LIN9: variants seen among roughly 807,000 people sequenced by gnomAD.
The protein encoded by LIN9 is lin-9 DREAM MuvB core complex component.
LIN9 carries 18 observed loss-of-function variants against 78.0 expected under a neutral mutation model. The observed-to-expected ratio is 0.23, with a 90% confidence interval of 0.16 to 0.34. The LOEUF is 0.34. Ranked by LOEUF, LIN9 falls within the 10% of genes least tolerant of loss-of-function variation. The probability of loss-of-function intolerance (pLI) is 1.00; values close to 1 mark genes in which losing one functional copy is unlikely to be tolerated. For missense variants in LIN9, 451 were observed against 644.1 expected (o/e 0.70, Z 3.25); for synonymous variants, 192 against 215.2 (o/e 0.89, Z 0.94).
chr1:226,276,604 T>C (rs573697001), intron 7 of LIN9, among the ~76,000 whole-genome samples: 27 of 152,330 alleles, frequency 1.8e-4, no homozygotes, highest in African/African-American at 6.3e-4. Context: ...ACCACTTTTA[T>C]AGCCAGGAAA....
chr1:226,231,850 C>T lies in LIN9; in HGVS notation c.*651G>A, dbSNP rs1222018743. On this transcript the variant is annotated 3_prime_UTR_variant, in exon 15 of 15. Coordinates refer to ENST00000681046, the MANE Select transcript of LIN9 (RefSeq NM_001366245.2). ...CCCCTGTTCCTTCATTTTCTTTCAACAAACAACAAAGGTTTCTTTTATATG... is the reference window on the plus strand; with the variant it reads ...CCCCTGTTCCTTCATTTTCTTTCAATAAACAACAAAGGTTTCTTTTATATG... 3.9e-6 allele frequency: 1 copy of T among 259,228 alleles called. No individual in the cohort carries two copies. Among genetic ancestry groups the T allele is most frequent in the African/African-American group, 2.2e-5 (1 of 44,678 alleles). The allele number at this position is 259,228 out of a possible 1,614,324, so 16.1% of individuals were successfully genotyped here. A position where few individuals can be genotyped will look rare whatever the true frequency, so the allele number is the denominator to read the frequency against.
At chr1:226,289,911 T>C (rs1661643097) in intron 4 of LIN9, among the ~76,000 whole-genome samples, 1 of 141,908 alleles carries the variant, frequency 7.0e-6, no homozygotes, top group African/African-American at 2.6e-5. Flanking sequence ...AAATTCCAGA[T>C]GTACTGAAGG....
rs879653121 is a variant in LIN9, at chr1:226,286,601, C to G, written c.399-143G>C. On this transcript the variant is annotated intron_variant, in intron 5 of 14. Transcript: ENST00000681046. ...CAAATTCAAAGTGCTAAAACTAAATCCTTGGCATTTGTGAAACATCTAATG... is the reference window on the plus strand; with the variant it reads ...CAAATTCAAAGTGCTAAAACTAAATGCTTGGCATTTGTGAAACATCTAATG... 5 of 603,110 alleles carry G rather than the reference C, an allele frequency of 8.3e-6. No homozygotes were observed. In the Admixed American group the frequency reaches 1.0e-4, roughly 13 times the overall value. 37.4% of individuals were successfully genotyped at this position (603,110 alleles called of 1,614,324 possible). A position where few individuals can be genotyped will look rare whatever the true frequency, so the allele number is the denominator to read the frequency against.
intron 11 of LIN9, among the ~76,000 whole-genome samples, chr1:226,243,285 T>A (rs961564453): frequency 1.3e-5 from 2 of 152,246 alleles, no homozygotes; most frequent in Non-Finnish European, 2.9e-5. Flanking sequence ...ATTTCACCTA[T>A]CAGATTGCTA....
intron 1 of LIN9, among the ~76,000 whole-genome samples, chr1:226,302,359 C>T (rs1576363394): frequency 1.3e-5 from 2 of 152,028 alleles, no homozygotes; most frequent in Non-Finnish European, 2.9e-5. Context: ...TTGGCTAACA[C>T]GGTGAAAACC....
chr1:226,278,970 A>AC (rs1660856466), intron 6 of LIN9, among the ~76,000 whole-genome samples: 1 of 151,426 alleles, frequency 6.6e-6, no homozygotes, highest in Non-Finnish European at 1.5e-5. Context: ...AAAAAAAAAA[A>AC]AAACCAAAAA....
At chr1:226,248,443 T>G (rs1475431576) in intron 11 of LIN9, among the ~76,000 whole-genome samples, 1 of 152,214 alleles carries the variant, frequency 6.6e-6, no homozygotes. Context: ...TATGTGCAAT[T>G]ATAAAGGATA....
At chr1:226,248,243 T>C (rs1302937233) in intron 11 of LIN9, among the ~76,000 whole-genome samples, 1 of 152,172 alleles carries the variant, frequency 6.6e-6, no homozygotes, top group Non-Finnish European at 1.5e-5. Flanking sequence ...GACCTTGAAT[T>C]AATTGCCTTT....
At chr1:226,309,588 A>G, upstream of LIN9, 3 of 1,224,780 alleles carry the variant, frequency 2.4e-6, no homozygotes, top group East Asian at 1.9e-4. Context: ...TCTGGGTCGC[A>G]TTGCCCGAGG....
In LIN9 at chr1:226,279,366, G is replaced by A. The variant is rs916432873; in HGVS notation, c.525-1434C>T. ...TCCAGCTACTTGGGAGGCTGAGGCC[G>A]GAGGATCATTTGAGCCCAGGAAGTT... On this transcript the variant is annotated intron_variant, in intron 6 of 14. Coordinates refer to ENST00000681046, the MANE Select transcript of LIN9 (RefSeq NM_001366245.2). Among the ~76,000 whole-genome samples, 17 of 151,746 alleles carry A rather than the reference G, an allele frequency of 1.1e-4. 1 individual carries two copies. The highest frequency in any genetic ancestry group is 1.8e-4 in the Non-Finnish European group (12 of 67,956).
At chr1:226,239,161 C>T in intron 11 of LIN9, 65 bp from the exon 12 acceptor site, 1 of 1,533,824 alleles carries the variant, frequency 6.5e-7, no homozygotes. Context: ...TTTCAATGAT[C>T]TAAAAGGAGA....
chr1:226,301,470 CA>C (rs1662530198), intron 1 of LIN9, among the ~76,000 whole-genome samples: 1 of 152,030 alleles, frequency 6.6e-6, no homozygotes, highest in South Asian at 2.1e-4. Context: ...AGTGAAGAAA[CA>C]GAAGAAAGAG....
At position 226,261,138 on chromosome 1, in the gene LIN9, T is replaced by TA. The variant is rs144773143; in HGVS notation, c.1038+4394dup. Among the ~76,000 whole-genome samples the TA allele has an allele frequency of 6.4e-3, 903 of 140,894 alleles. 3 individuals carry two copies. The highest frequency in any genetic ancestry group is 8.3e-3 in the Non-Finnish European group (533 of 64,292). The allele number at this position is 140,894 out of a possible 152,430, so 92.4% of individuals were successfully genotyped here. On this transcript the variant is annotated intron_variant, in intron 10 of 14. Coordinates refer to ENST00000681046, the MANE Select transcript of LIN9 (RefSeq NM_001366245.2). ...GGAATAGACAACGTCCTCAACCTGA[T>TA]AAAAAAAAAAAAAATCTACAAAAAA...
chr1:226,251,229 ATT>A (rs398050141), intron 10 of LIN9, among the ~76,000 whole-genome samples: 9 of 132,394 alleles, frequency 6.8e-5, no homozygotes, highest in Admixed American at 7.6e-5. Context: ...AATTTTTGTA[ATT>A]TTTTTTTTTT....
At chr1:226,271,218 C>T (rs760171442) in intron 7 of LIN9, among the ~76,000 whole-genome samples, 6 of 152,146 alleles carry the variant, frequency 3.9e-5, no homozygotes, top group Non-Finnish European at 5.9e-5. Context: ...ACTTTGAATA[C>T]GCAGTGCATC....
Position 226,265,890 on chromosome 1 carries a change from G to T in LIN9, c.937-256C>A, listed in dbSNP as rs1659876516. Among the ~76,000 whole-genome samples, 1 of 151,638 alleles carries T rather than the reference G, an allele frequency of 6.6e-6. No individual in the cohort carries two copies. Among genetic ancestry groups the T allele is most frequent in the Non-Finnish European group, 1.5e-5 (1 of 67,934 alleles). On this transcript the variant is annotated intron_variant, in intron 9 of 14. Transcript: ENST00000681046. The surrounding 1 kb of genome is among the most constrained non-coding windows in gnomAD (Gnocchi z 4.1). ...GACGGCGTTTCACCATGTTGATCAG[G>T]TTGGTCTCGAACTCCTGACCTCGTG...
intron 5 of LIN9, 59 bp from the exon 6 acceptor site, chr1:226,286,517 CAT>C: frequency 7.8e-7 from 1 of 1,280,616 alleles, no homozygotes; most frequent in Non-Finnish European, 1.1e-6. Context: ...TCTTAAAACA[CAT>C]AAAATCACAA....
chr1:226,250,934 G>T lies in LIN9; in HGVS notation c.1039-15C>A. ...GATAATCTGGTCTACAGACAAAGAA[G>T]AAATATTTTAGAATAAACAGAGGCA... On this transcript the variant is annotated splice_polypyrimidine_tract_variant and intron_variant, in intron 10 of 14. Transcript: ENST00000681046. 7.6e-7 allele frequency: 1 copy of T among 1,317,702 alleles called. No individual in the cohort carries two copies. Among genetic ancestry groups the T allele is most frequent in the East Asian group, 2.3e-5 (1 of 43,198 alleles). The allele number at this position is 1,317,702 out of a possible 1,614,324, so 81.6% of individuals were successfully genotyped here.
intron 12 of LIN9, among the ~76,000 whole-genome samples, chr1:226,234,843 T>C (rs1367870728): frequency 6.6e-6 from 1 of 151,868 alleles, no homozygotes; most frequent in African/African-American, 2.4e-5. Flanking sequence ...CTTCCCCCTC[T>C]TCATAACTGC....
Sources: gnomAD v4.1 joint callset for allele counts (sites outside exome capture counted in the v4.1 genomes callset) on GRCh38, gnomAD v4.1.1 for gene constraint, Gnocchi (gnomAD v3.1) non-coding constraint, MANE v1.5 for transcripts, NCBI Gene and HGNC (gene_info 2026-07-23, HGNC 2026-07-21) for gene names.